CDH9: variants seen among roughly 807,000 people sequenced by gnomAD.
CDH9 encodes cadherin 9.
CDH9 carries 28 observed loss-of-function variants against 70.9 expected under a neutral mutation model. The observed-to-expected ratio is 0.40, with a 90% CI of 0.29 to 0.54. CDH9 has a LOEUF of 0.54. CDH9 is among the 20% of genes least tolerant of loss of function. CDH9 has a pLI of 0.59. For synonymous variants in CDH9, 409 were observed against 343.1 expected (o/e 1.19, Z -2.12); for missense variants, 874 against 984.4 (o/e 0.89, Z 1.50).
At position 26,941,984 on chromosome 5, in the gene CDH9, T is replaced by C. The variant is rs72744767; in HGVS notation, c.229-26060A>G. ...GCTAAGGTGCTAGCTAGGATCTCTC[T>C]TCTTGTAAAGCCACCAGTTCCCCTC... On this transcript the variant is annotated intron_variant, in intron 2 of 11. Transcript: ENST00000231021. Among the ~76,000 whole-genome samples the C allele has an allele frequency of 2.9e-3, 442 of 152,284 alleles. 1 individual carries two copies. Among genetic ancestry groups the C allele is most frequent in the Non-Finnish European group, 4.6e-3 (311 of 68,024 alleles).
intron 2 of CDH9, among the ~76,000 whole-genome samples, chr5:26,943,963 C>T (rs1389064972): frequency 2.0e-5 from 3 of 152,102 alleles, no homozygotes; most frequent in Admixed American, 6.5e-5. Context: ...TTAAATTCAG[C>T]CTATGAAATT....
intron 4 of CDH9, 78 bp downstream of exon 4, chr5:26,906,641 T>C (rs1177032706): frequency 7.3e-6 from 11 of 1,514,102 alleles, no homozygotes; most frequent in Non-Finnish European, 9.8e-6. Flanking sequence ...GGTTTTAAAA[T>C]ATTTTAAAAA....
At chr5:26,893,170 A>C (rs2111976401) in intron 7 of CDH9, among the ~76,000 whole-genome samples, 1 of 152,306 alleles carries the variant, frequency 6.6e-6, no homozygotes, top group Admixed American at 6.5e-5. Flanking sequence ...GGATCTATTA[A>C]GTAAATGGGT....
intron 2 of CDH9, among the ~76,000 whole-genome samples, chr5:26,954,601 G>T (rs992230809): frequency 4.1e-4 from 62 of 151,670 alleles, no homozygotes; most frequent in Middle Eastern, 3.4e-3. Context: ...AGCCAGGATG[G>T]TCTCAATCTC....
At chr5:27,027,437 C>G (rs1743238290) in intron 1 of CDH9, among the ~76,000 whole-genome samples, 1 of 151,914 alleles carries the variant, frequency 6.6e-6, no homozygotes, top group Non-Finnish European at 1.5e-5. Flanking sequence ...AGAACCTGAA[C>G]CATAACCATC....
At chr5:26,898,346 A>G (rs1740789845) in intron 7 of CDH9, among the ~76,000 whole-genome samples, 1 of 152,188 alleles carries the variant, frequency 6.6e-6, no homozygotes, top group South Asian at 2.1e-4. Context: ...ATGGAACCAA[A>G]AAAGAGCCCT....
At chr5:26,992,418 G>C (rs1742592410) in intron 1 of CDH9, among the ~76,000 whole-genome samples, 1 of 152,136 alleles carries the variant, frequency 6.6e-6, no homozygotes, top group Non-Finnish European at 1.5e-5. Context: ...ACCATGTGAA[G>C]ACACAGCAGA....
chr5:26,922,043 G>A (rs1259616732), intron 2 of CDH9, among the ~76,000 whole-genome samples: 4 of 150,138 alleles, frequency 2.7e-5, no homozygotes, highest in South Asian at 2.1e-4. Flanking sequence ...AAAAAAAAGA[G>A]AGAGAGAGAA....
intron 1 of CDH9, among the ~76,000 whole-genome samples, chr5:27,019,514 A>T (rs948880714): frequency 6.6e-6 from 1 of 151,910 alleles, no homozygotes; most frequent in Non-Finnish European, 1.5e-5. Flanking sequence ...AATTATCTAG[A>T]GTTATTTTTT....
At chr5:26,943,796 A>G (rs779443579) in intron 2 of CDH9, among the ~76,000 whole-genome samples, 2 of 152,160 alleles carry the variant, frequency 1.3e-5, no homozygotes, top group Admixed American at 6.5e-5. Flanking sequence ...AGACAATTAA[A>G]TCCCATTTAA....
chr5:26,958,006 A>C (rs758568684), intron 2 of CDH9, among the ~76,000 whole-genome samples: 1 of 152,330 alleles, frequency 6.6e-6, no homozygotes, highest in Non-Finnish European at 1.5e-5. Flanking sequence ...CCTTCATAAT[A>C]ATTTTAAGAA....
intron 1 of CDH9, among the ~76,000 whole-genome samples, chr5:27,029,548 C>T (rs1018396046): frequency 6.6e-6 from 1 of 151,992 alleles, no homozygotes; most frequent in Non-Finnish European, 1.5e-5. Flanking sequence ...CAGTGGTCTA[C>T]AAGTGAAGGT....
intron 1 of CDH9, among the ~76,000 whole-genome samples, chr5:26,999,753 T>C (rs1407689270): frequency 1.3e-5 from 2 of 152,168 alleles, no homozygotes; most frequent in Non-Finnish European, 2.9e-5. Flanking sequence ...ATCCTAGATA[T>C]AAATGTAAAA....
intron 2 of CDH9, among the ~76,000 whole-genome samples, chr5:26,969,844 T>C (rs978927362): frequency 9.4e-6 from 1 of 105,826 alleles, no homozygotes; most frequent in Non-Finnish European, 1.9e-5. Flanking sequence ...TCATTTTCCT[T>C]GTCCTTTGCT....
At chr5:26,990,912 A>C (rs1306732914) in intron 1 of CDH9, among the ~76,000 whole-genome samples, 2 of 152,184 alleles carry the variant, frequency 1.3e-5, no homozygotes, top group Non-Finnish European at 2.9e-5. Flanking sequence ...TGTGGAACAT[A>C]GGCCTTTGAG....
chr5:26,979,578 C>T (rs946871124), intron 2 of CDH9, among the ~76,000 whole-genome samples: 7 of 151,728 alleles, frequency 4.6e-5, no homozygotes, highest in African/African-American at 1.7e-4. Context: ...CAATTAAATG[C>T]CAAATATTGT....
chr5:26,956,835 C>T (rs1741954756), intron 2 of CDH9, among the ~76,000 whole-genome samples: 1 of 152,110 alleles, frequency 6.6e-6, no homozygotes, highest in South Asian at 2.1e-4. Context: ...TAGACTGACA[C>T]TCCCTTTTCT....
At chr5:26,993,097 G>T (rs1248398156) in intron 1 of CDH9, among the ~76,000 whole-genome samples, 1 of 108,754 alleles carries the variant, frequency 9.2e-6, no homozygotes, top group Non-Finnish European at 1.9e-5. Context: ...GTGAAACTCC[G>T]TCTCCAAAAA....
chr5:26,893,840 A>C (rs1438646817), intron 7 of CDH9, among the ~76,000 whole-genome samples: 1 of 152,116 alleles, frequency 6.6e-6, no homozygotes, highest in Non-Finnish European at 1.5e-5. Flanking sequence ...TTTTTCTTTT[A>C]AACCTCTATT....
Sources: gnomAD v4.1 joint callset for allele counts (sites outside exome capture counted in the v4.1 genomes callset) on GRCh38, gnomAD v4.1.1 for gene constraint, MANE v1.5 for transcripts, NCBI Gene and HGNC (gene_info 2026-07-23, HGNC 2026-07-21) for gene names.